The following CDH4 variants were observed in gnomAD, a reference collection of about 807,000 sequenced individuals.
The protein encoded by CDH4 is cadherin-4.
CDH4 carries 33 observed loss-of-function variants against 86.0 expected under a neutral mutation model. That is an observed-to-expected ratio of 0.38 (90% confidence interval 0.29 to 0.51). The LOEUF (loss-of-function observed/expected upper bound fraction) is 0.51. Among genes scored for constraint, CDH4 ranks in the 20% least tolerant of loss-of-function variants. CDH4 has a pLI of 0.86. For synonymous variants in CDH4, 555 were observed against 549.4 expected, an observed-to-expected ratio of 1.01 and a Z score of -0.14; for missense variants, 1,114 against 1,307.4, an observed-to-expected ratio of 0.85 and a Z score of 2.28.
chr20:61,508,167 C>T (rs2085754880), intron 2 of CDH4, among the ~76,000 whole-genome samples: 1 of 152,208 alleles, frequency 6.6e-6, no homozygotes, highest in Non-Finnish European at 1.5e-5. Context: ...TAAATAAATG[C>T]CACTTCAGAG....
chr20:61,293,915 T>C (rs1385560269), intron 2 of CDH4, among the ~76,000 whole-genome samples: 1 of 152,060 alleles, frequency 6.6e-6, no homozygotes, highest in Non-Finnish European at 1.5e-5. Flanking sequence ...GTCCACTTTG[T>C]GGTCTGGACA....
intron 2 of CDH4, among the ~76,000 whole-genome samples, chr20:61,372,391 C>T (rs1026716708): frequency 3.3e-5 from 5 of 152,250 alleles, no homozygotes; most frequent in African/African-American, 1.2e-4. Context: ...CACGCTTCGC[C>T]TCCTTCTCCG....
Position 61,262,351 on chromosome 20 carries a change from G to T in CDH4, c.169+7414G>T, listed in dbSNP as rs141923387. On this transcript the variant is annotated intron_variant, in intron 2 of 15. Coordinates refer to ENST00000614565, the MANE Select transcript of CDH4 (RefSeq NM_001794.5). ...GAGAGCAAGGTGCTTGGTATAACTTGAAACAGTCTGAAGATGTGGTGCTTT... is the reference window on the plus strand; with the variant it reads ...GAGAGCAAGGTGCTTGGTATAACTTTAAACAGTCTGAAGATGTGGTGCTTT... 3.7e-3 allele frequency among the ~76,000 whole-genome samples: 560 copies of T among 152,234 alleles called. 1 individual carries two copies. Among genetic ancestry groups the T allele is most frequent in the Non-Finnish European group, 4.0e-3 (271 of 68,002 alleles).
chr20:61,766,452 C>T (rs2022037), intron 3 of CDH4, among the ~76,000 whole-genome samples: 42,095 of 151,832 alleles, frequency 0.28, 6,180 homozygotes, highest in East Asian at 0.5. Flanking sequence ...TTAGGAGCTC[C>T]ACCCCCAGCT....
At chr20:61,864,341 G>A (rs1000777180) in intron 6 of CDH4, among the ~76,000 whole-genome samples, 1 of 152,230 alleles carries the variant, frequency 6.6e-6, no homozygotes, top group Non-Finnish European at 1.5e-5. Context: ...CAGGAGACCA[G>A]TGCAGTCCCC....
Position 61,936,922 on chromosome 20 carries a change from T to C in CDH4, c.2730T>C (p.Tyr910=), listed in dbSNP as rs2055198599. 6.3e-7 allele frequency: 1 copy of C among 1,588,104 alleles called. No individual in the cohort carries two copies. Among genetic ancestry groups the C allele is most frequent in the Admixed American group, 1.8e-5 (1 of 56,858 alleles). ...GATTCAAGAAGCTGGCGGACATGTA[T>C]GGAGGTGGTGAAGAGGATTGACTGA... The part of the protein sequence containing the change: ...GPRFKKLADM[Y]GGGEED The change falls in exon 16 of 16, where the codon TAT becomes TAC. Residue 910 remains tyrosine (Y), a synonymous_variant. Transcript: ENST00000614565.
intron 7 of CDH4, among the ~76,000 whole-genome samples, chr20:61,889,448 GAT>G (rs1984694826): frequency 3.9e-4 from 1 of 2,546 alleles, no homozygotes; most frequent in Admixed American, 3.1e-3. Flanking sequence ...ATGATGCATG[GAT>G]GGATGGATGG....
In CDH4 at chr20:61,703,719, G is replaced by A. The variant is rs55880318; in HGVS notation, c.170-39844G>A. Among the ~76,000 whole-genome samples the A allele has an allele frequency of 0.012, 1,827 of 152,340 alleles. 44 individuals are homozygous for A. Among genetic ancestry groups the A allele is most frequent in the African/African-American group, 0.041 (1,691 of 41,580 alleles). On this transcript the variant is annotated intron_variant, in intron 2 of 15. Transcript: ENST00000614565. This position sits in a 1 kb window ranked among gnomAD's most constrained non-coding sequence, Gnocchi z 4.3. ...CCCTGGTGATGAGGTGGCTCCACTC[G>A]GGGCAGGGTTGAGGCTTTCTGTGTC...
At chr20:61,554,313 TTC>T (rs1013148142) in intron 2 of CDH4, among the ~76,000 whole-genome samples, 2 of 152,178 alleles carry the variant, frequency 1.3e-5, no homozygotes, top group African/African-American at 4.8e-5. Flanking sequence ...GCTAAATTGC[TTC>T]TGTGATGTGG....
intron 2 of CDH4, among the ~76,000 whole-genome samples, chr20:61,499,746 C>T (rs745617776): frequency 1.3e-5 from 2 of 152,126 alleles, no homozygotes; most frequent in Non-Finnish European, 2.9e-5. Context: ...TGAGCAGACA[C>T]CAGGAACAGG....
chr20:61,254,881 A>C lies in CDH4; in HGVS notation c.113A>C (p.Asp38Ala). 6.2e-7 allele frequency: 1 copy of C among 1,613,618 alleles called. No homozygotes were observed. The highest frequency in any genetic ancestry group is 2.2e-5 in the East Asian group (1 of 44,888). ...ACCTGCAAGGCTGGGTTCTCTGAAG[A>C]TGATTACACGGCATTAATCTCCCAA... ...RETCKAGFSEDDYTALISQNI... is the reference protein window; with the variant it reads ...RETCKAGFSEADYTALISQNI... The change falls in exon 2 of 16, where the codon GAT becomes GCT. Residue 38 changes from aspartate (D) to alanine (A), a missense_variant. Asp to Ala is a moderately radical substitution (Grantham distance 126). Around this residue, in one of 3 missense-constraint regions of CDH4, gnomAD observed 221 missense variants for 209.5 expected, o/e 1.05. Coordinates refer to ENST00000614565, the MANE Select transcript of CDH4 (RefSeq NM_001794.5).
chr20:61,861,080 C>T (rs73143172), intron 6 of CDH4, among the ~76,000 whole-genome samples: 23,633 of 152,166 alleles, frequency 0.16, 2,037 homozygotes, highest in East Asian at 0.31. Context: ...CTGAAGCTCA[C>T]GCACCCGCAC....
intron 8 of CDH4, among the ~76,000 whole-genome samples, chr20:61,897,230 C>T (rs539583419): frequency 1.3e-5 from 2 of 152,234 alleles, no homozygotes; most frequent in South Asian, 4.1e-4. Flanking sequence ...GTCCTAAATC[C>T]CAAAATTCAG....
Position 61,811,640 on chromosome 20 carries a change from C to T in CDH4, c.577-33028C>T, listed in dbSNP as rs1157730804. Among the ~76,000 whole-genome samples, 4 of 151,496 alleles carry T rather than the reference C, an allele frequency of 2.6e-5. No homozygotes were observed. Among genetic ancestry groups the T allele is most frequent in the South Asian group, 2.1e-4 (1 of 4,768 alleles). On this transcript the variant is annotated intron_variant, in intron 4 of 15. Coordinates refer to ENST00000614565, the MANE Select transcript of CDH4 (RefSeq NM_001794.5). The surrounding 1 kb of genome is among the most constrained non-coding windows in gnomAD (Gnocchi z 4.4). ...GCCCAGCCACTGCCACCCGGGGTCA[C>T]GCCCCTGCCACCCGGGGTCACGCCC... is the stretch of plus-strand genomic sequence containing the variant.
chr20:61,544,832 T>C lies in CDH4; in HGVS notation c.170-198731T>C, dbSNP rs558194171. 6.6e-6 allele frequency among the ~76,000 whole-genome samples: 1 copy of C among 152,276 alleles called. No homozygotes were observed. The highest frequency in any genetic ancestry group is 6.5e-5 in the Admixed American group (1 of 15,302). ...CGAGGAAGGAACCTTGTTCCTCGGTTATAAAACTTGAGCTTTTAATTGAGG... is the reference window on the plus strand; with the variant it reads ...CGAGGAAGGAACCTTGTTCCTCGGTCATAAAACTTGAGCTTTTAATTGAGG... On this transcript the variant is annotated intron_variant, in intron 2 of 15. Coordinates refer to ENST00000614565, the MANE Select transcript of CDH4 (RefSeq NM_001794.5). The surrounding 1 kb of genome is among the most constrained non-coding windows in gnomAD (Gnocchi z 6.5).
chr20:61,593,212 C>T (rs1015252725), intron 2 of CDH4, among the ~76,000 whole-genome samples: 4 of 152,226 alleles, frequency 2.6e-5, no homozygotes, highest in African/African-American at 9.6e-5. Context: ...CTCACACACG[C>T]TCATGGGCTA....
At chr20:61,662,149 C>A (rs1038408536) in intron 2 of CDH4, among the ~76,000 whole-genome samples, 1 of 152,168 alleles carries the variant, frequency 6.6e-6, no homozygotes, top group African/African-American at 2.4e-5. Context: ...CCAACTGACC[C>A]CCCTAATCTG....
chr20:61,762,837 G>A (rs2088652371), intron 3 of CDH4, among the ~76,000 whole-genome samples: 1 of 152,260 alleles, frequency 6.6e-6, no homozygotes, highest in Non-Finnish European at 1.5e-5. Flanking sequence ...ATGAGAGCCA[G>A]CAGTTACACC....
intron 4 of CDH4, among the ~76,000 whole-genome samples, chr20:61,818,878 C>T (rs1346219703): frequency 2.0e-5 from 3 of 151,988 alleles, no homozygotes; most frequent in Non-Finnish European, 4.4e-5. Context: ...CAGAAGGTGA[C>T]GCATGTCGTC....
Sources: gnomAD v4.1 joint callset for allele counts (sites outside exome capture counted in the v4.1 genomes callset) on GRCh38, gnomAD v4.1.1 for gene constraint, gnomAD v4.1.1 regional missense constraint, Gnocchi (gnomAD v3.1) non-coding constraint, MANE v1.5 for transcripts, NCBI Gene and HGNC (gene_info 2026-07-23, HGNC 2026-07-21) for gene names.